SLAIN2: variants seen among roughly 807,000 people sequenced by gnomAD.
SLAIN2 encodes SLAIN family member 2.
SLAIN2 carries 31 observed loss-of-function variants against 56.6 expected under a neutral mutation model. The ratio of observed to expected loss-of-function variants is 0.55; its 90% confidence interval spans 0.41 to 0.74. The LOEUF (loss-of-function observed/expected upper bound fraction) is 0.74, where lower values mean the gene tolerates loss of function less well. SLAIN2 is among the 30% of genes least tolerant of loss of function. SLAIN2 has a pLI of 0.00. For synonymous variants in SLAIN2, 317 were observed against 284.9 expected, an observed-to-expected ratio of 1.11 and a Z score of -1.13; for missense variants, 777 against 754.2, an observed-to-expected ratio of 1.03 and a Z score of -0.35.
intron 1 of SLAIN2, among the ~76,000 whole-genome samples, chr4:48,363,509 A>C (rs1715393941): frequency 1.7e-5 from 1 of 58,502 alleles, no homozygotes; most frequent in Non-Finnish European, 4.0e-5. Context: ...ACTTCCCAGT[A>C]GGGGCGGCCG....
intron 3 of SLAIN2, among the ~76,000 whole-genome samples, 152 bp from the exon 4 acceptor site, chr4:48,379,538 G>T (rs1419511579): frequency 2.0e-5 from 3 of 152,052 alleles, no homozygotes; most frequent in Non-Finnish European, 4.4e-5. Context: ...TCTTAATGAG[G>T]TCAATTTCTA....
intron 6 of SLAIN2, among the ~76,000 whole-genome samples, chr4:48,399,887 C>T (rs1389588987): frequency 3.3e-5 from 5 of 152,068 alleles, no homozygotes; most frequent in African/African-American, 1.2e-4. Flanking sequence ...TTTTGATGTG[C>T]TGCTGGGTTC....
chr4:48,383,579 C>T (rs1716025560), intron 5 of SLAIN2, 68 bp from the exon 6 acceptor site: 1 of 1,301,306 alleles, frequency 7.7e-7, no homozygotes, highest in East Asian at 2.6e-5. Context: ...TTTTTGAATG[C>T]TAGTTAATAT....
At position 48,390,691 on chromosome 4, in the gene SLAIN2, A is replaced by C. The variant is rs531882696; in HGVS notation, c.1360+6907A>C. ...TTAATAATTTGAAGTTACATTGATCATTTTTTTAAAAAGGAAAAATGTTTT... is the reference window on the plus strand; with the variant it reads ...TTAATAATTTGAAGTTACATTGATCCTTTTTTTAAAAAGGAAAAATGTTTT... On this transcript the variant is annotated intron_variant, in intron 6 of 7. Transcript: ENST00000264313. Among the ~76,000 whole-genome samples the C allele has an allele frequency of 1.1e-3, 171 of 152,268 alleles. 2 individuals carry two copies. The highest frequency in any genetic ancestry group is 3.9e-3 in the African/African-American group (163 of 41,562).
chr4:48,390,466 A>G (rs771580248), intron 6 of SLAIN2, among the ~76,000 whole-genome samples: 26 of 152,356 alleles, frequency 1.7e-4, no homozygotes, highest in Non-Finnish European at 2.9e-4. Flanking sequence ...CTTAGTATTT[A>G]GCACCTAGAG....
At chr4:48,419,832 T>TA (rs1436919227) in intron 6 of SLAIN2, among the ~76,000 whole-genome samples, 1 of 152,236 alleles carries the variant, frequency 6.6e-6, no homozygotes, top group East Asian at 1.9e-4. Context: ...TAGTTGCTAC[T>TA]GTGAGACAGA....
At chr4:48,413,065 CA>C (rs1000870441) in intron 6 of SLAIN2, among the ~76,000 whole-genome samples, 1 of 148,870 alleles carries the variant, frequency 6.7e-6, no homozygotes, top group Admixed American at 6.7e-5. Context: ...CCGTCTCTAC[CA>C]AAAAAAAACA....
chr4:48,386,038 T>G (rs1443768773), intron 6 of SLAIN2, among the ~76,000 whole-genome samples: 1 of 148,874 alleles, frequency 6.7e-6, no homozygotes, highest in Admixed American at 6.7e-5. Context: ...AGCCCAGGAG[T>G]TTGAAGCTGC....
At chr4:48,406,120 A>G (rs1716688095) in intron 6 of SLAIN2, among the ~76,000 whole-genome samples, 1 of 152,074 alleles carries the variant, frequency 6.6e-6, no homozygotes, top group South Asian at 2.1e-4. Context: ...GGTCTTGTAC[A>G]TTTCTTGCCA....
At chr4:48,400,438 C>T (rs1475984345) in intron 6 of SLAIN2, among the ~76,000 whole-genome samples, 1 of 139,290 alleles carries the variant, frequency 7.2e-6, no homozygotes, top group East Asian at 2.1e-4. Context: ...GCTCTGTCGC[C>T]CAGGCTGTAG....
intron 6 of SLAIN2, among the ~76,000 whole-genome samples, chr4:48,385,965 G>A (rs1416348631): frequency 1.3e-5 from 2 of 149,466 alleles, no homozygotes; most frequent in Non-Finnish European, 3.0e-5. Flanking sequence ...TAATTACCCA[G>A]GCATGATGGT....
intron 1 of SLAIN2, among the ~76,000 whole-genome samples, chr4:48,369,051 A>T (rs1327561960): frequency 6.6e-6 from 1 of 152,182 alleles, no homozygotes; most frequent in East Asian, 1.9e-4. Context: ...ATCGAAGCCT[A>T]ATTTTGTTTG....
intron 6 of SLAIN2, among the ~76,000 whole-genome samples, chr4:48,409,907 G>A (rs1478286218): frequency 6.6e-6 from 1 of 152,110 alleles, no homozygotes; most frequent in Non-Finnish European, 1.5e-5. Context: ...TAATAATGCT[G>A]TGAACATTCA....
rs1232954482 is a variant in SLAIN2, at chr4:48,424,179, A to C, written c.*2102A>C. Reference sequence around the variant, plus strand: ...TTAAAATATTTCATCACTTGTTAAAACATATTTTTGATCTGAGTTTGGTAA... The same window carrying C: ...TTAAAATATTTCATCACTTGTTAAACCATATTTTTGATCTGAGTTTGGTAA... On this transcript the variant is annotated 3_prime_UTR_variant, in exon 8 of 8. Coordinates refer to ENST00000264313, the MANE Select transcript of SLAIN2 (RefSeq NM_020846.2). 2.0e-5 allele frequency: 3 copies of C among 152,126 alleles called. No homozygotes were observed. The highest frequency in any genetic ancestry group is 2.9e-5 in the Non-Finnish European group (2 of 68,004). 9.4% of individuals were successfully genotyped at this position (152,126 alleles called of 1,614,324 possible).
intron 1 of SLAIN2, among the ~76,000 whole-genome samples, chr4:48,367,599 C>A (rs894376051): frequency 6.6e-6 from 1 of 151,194 alleles, no homozygotes; most frequent in South Asian, 2.1e-4. Context: ...AATTATAATG[C>A]TATTAACAGG....
chr4:48,410,957 T>G (rs955944538), intron 6 of SLAIN2, among the ~76,000 whole-genome samples: 3 of 152,134 alleles, frequency 2.0e-5, no homozygotes, highest in African/African-American at 7.2e-5. Flanking sequence ...CAGTGATGGC[T>G]CCTCCTCTTC....
intron 6 of SLAIN2, among the ~76,000 whole-genome samples, chr4:48,410,050 A>G (rs1716803891): frequency 1.3e-5 from 2 of 152,184 alleles, no homozygotes; most frequent in Admixed American, 1.3e-4. Flanking sequence ...AGTGGCTACA[A>G]CATTTTACAG....
chr4:48,420,484 G>A, intron 7 of SLAIN2, 41 bp downstream of exon 7: 1 of 1,601,302 alleles, frequency 6.2e-7, no homozygotes, highest in Non-Finnish European at 8.5e-7. Context: ...TTGAGTGCCT[G>A]AAAGTGGATA....
chr4:48,355,845 G>A (rs985396194), intron 1 of SLAIN2, among the ~76,000 whole-genome samples: 4 of 151,720 alleles, frequency 2.6e-5, no homozygotes, highest in African/African-American at 9.7e-5. Flanking sequence ...TTTTCACAAA[G>A]TTGGTAAAAT....
Sources: allele counts gnomAD v4.1 joint callset (sites outside exome capture counted in the v4.1 genomes callset), GRCh38; gene constraint gnomAD v4.1.1; transcripts MANE v1.5; gene names NCBI Gene and HGNC (gene_info 2026-07-23, HGNC 2026-07-21).